Variants in CIT observed in about 807,000 individuals in gnomAD.
CIT encodes the protein citron Rho-interacting kinase.
CIT carries 79 observed loss-of-function variants against 272.7 expected under a neutral mutation model. The observed-to-expected ratio is 0.29, with a 90% confidence interval of 0.24 to 0.35. CIT has a LOEUF of 0.35. Ranked by LOEUF, CIT falls within the 10% of genes least tolerant of loss-of-function variation. The pLI is 1.00. For missense variants in CIT, 1,909 were observed against 2,618.3 expected, an observed-to-expected ratio of 0.73 and a Z score of 5.91; for synonymous variants, 948 against 995.6, an observed-to-expected ratio of 0.95 and a Z score of 0.90.
intron 46 of CIT, among the ~76,000 whole-genome samples, chr12:119,691,267 A>C (rs2136917903): frequency 6.6e-6 from 1 of 152,240 alleles, no homozygotes; most frequent in Admixed American, 6.5e-5. Flanking sequence ...AAGGCACAGA[A>C]GGAAGTCATC....
intron 19 of CIT, among the ~76,000 whole-genome samples, chr12:119,765,001 G>A (rs1018553243): frequency 4.0e-5 from 6 of 151,804 alleles, no homozygotes; most frequent in African/African-American, 1.4e-4. Context: ...TAGAGGCGGG[G>A]TTTCACCATG....
At chr12:119,738,898 A>C (rs2137291179) in intron 24 of CIT, among the ~76,000 whole-genome samples, 1 of 152,162 alleles carries the variant, frequency 6.6e-6, no homozygotes, top group South Asian at 2.1e-4. Flanking sequence ...AAAAAAAAAA[A>C]AAAAGATCTA....
In CIT at chr12:119,849,363, A is replaced by C. The variant is rs549250601; in HGVS notation, c.516+811T>G. 4.5e-3 allele frequency among the ~76,000 whole-genome samples: 677 copies of C among 150,814 alleles called. 8 individuals are homozygous for C. Among genetic ancestry groups the C allele is most frequent in the African/African-American group, 0.016 (648 of 41,142 alleles). On this transcript the variant is annotated intron_variant, in intron 5 of 47. Coordinates refer to ENST00000392521, the MANE Select transcript of CIT (RefSeq NM_001206999.2). ...AATCTCTTGAACCTGGGAGGTGGAGATTGCAGTGAGCCGAGATAGTGCCAC... is the reference window on the plus strand; with the variant it reads ...AATCTCTTGAACCTGGGAGGTGGAGCTTGCAGTGAGCCGAGATAGTGCCAC...
At chr12:119,824,142 A>G (rs12832322) in intron 8 of CIT, among the ~76,000 whole-genome samples, 50 of 142,656 alleles carry the variant, frequency 3.5e-4, no homozygotes, top group Middle Eastern at 7.2e-3. Flanking sequence ...ATATATATAT[A>G]CAGTAAAACA....
chr12:119,825,540 TAAAA>T (rs11286691), intron 7 of CIT, among the ~76,000 whole-genome samples, 172 bp from the exon 8 acceptor site: 1 of 144,368 alleles, frequency 6.9e-6, no homozygotes, highest in Non-Finnish European at 1.5e-5. Flanking sequence ...TTTACTAATT[TAAAA>T]AAAAAAAAAA....
chr12:119,787,603 C>T (rs1363437168), intron 10 of CIT, among the ~76,000 whole-genome samples: 1 of 151,138 alleles, frequency 6.6e-6, no homozygotes, highest in East Asian at 1.9e-4. Flanking sequence ...TGGTGGTGGG[C>T]GCCTGTAGTC....
intron 23 of CIT, among the ~76,000 whole-genome samples, chr12:119,748,569 C>T (rs185867978): frequency 3.3e-5 from 5 of 152,324 alleles, no homozygotes; most frequent in African/African-American, 1.2e-4. Flanking sequence ...CACATCTTGG[C>T]TATCATGCCG....
chr12:119,757,147 G>A (rs774023896), intron 22 of CIT, among the ~76,000 whole-genome samples: 1 of 150,994 alleles, frequency 6.6e-6, no homozygotes, highest in Non-Finnish European at 1.5e-5. Context: ...GTTAGCACAA[G>A]GGCCTCAGAT....
Position 119,688,140 on chromosome 12 carries a change from G to A in CIT, c.*92C>T, listed in dbSNP as rs774170239. 5.8e-5 allele frequency: 82 copies of A among 1,403,206 alleles called. No homozygotes were observed. The highest frequency in any genetic ancestry group is 2.7e-4 in the Admixed American group (16 of 59,580). The allele number at this position is 1,403,206 out of a possible 1,614,324, so 86.9% of individuals were successfully genotyped here. A position where few individuals can be genotyped will look rare whatever the true frequency, so the allele number is the denominator to read the frequency against. On this transcript the variant is annotated 3_prime_UTR_variant, in exon 48 of 48. Coordinates refer to ENST00000392521, the MANE Select transcript of CIT (RefSeq NM_001206999.2). Reference sequence around the variant, plus strand: ...GCTGAGCCAGAGGGTGGCTGAGCACGTGGGCGCTTGGGTCCCCATCAGCAG... The same window carrying A: ...GCTGAGCCAGAGGGTGGCTGAGCACATGGGCGCTTGGGTCCCCATCAGCAG...
chr12:119,781,910 G>A (rs1022330842), intron 13 of CIT, among the ~76,000 whole-genome samples: 3 of 152,180 alleles, frequency 2.0e-5, no homozygotes, highest in Non-Finnish European at 4.4e-5. Flanking sequence ...ACCATCTAAA[G>A]CAGGGATTGG....
chr12:119,752,323 C>T, intron 22 of CIT, 76 bp from the exon 23 acceptor site: 1 of 1,352,930 alleles, frequency 7.4e-7, no homozygotes, highest in Non-Finnish European at 1.0e-6. Flanking sequence ...AAGACATGAC[C>T]TGCTACTCAA....
At chr12:119,814,812 G>A (rs930658294) in intron 9 of CIT, among the ~76,000 whole-genome samples, 9 of 152,026 alleles carry the variant, frequency 5.9e-5, no homozygotes, top group African/African-American at 1.5e-4. Context: ...CGAGGCGGGC[G>A]GATTACCTGA....
intron 9 of CIT, among the ~76,000 whole-genome samples, chr12:119,814,113 G>C (rs1262041329): frequency 6.6e-6 from 1 of 151,920 alleles, no homozygotes; most frequent in African/African-American, 2.4e-5. Context: ...TTTATTCATT[G>C]TTATATTTTT....
intron 9 of CIT, among the ~76,000 whole-genome samples, chr12:119,820,611 G>A (rs58867337): frequency 0.024 from 3,646 of 152,062 alleles, 134 homozygotes; most frequent in African/African-American, 0.084. Flanking sequence ...AAGGGTATGT[G>A]GGAACTCTTC....
chr12:119,712,234 A>T lies in CIT; in HGVS notation c.4798T>A (p.Leu1600Ile). The T allele has an allele frequency of 6.2e-7, 1 of 1,613,290 alleles. No individual in the cohort carries two copies. Among genetic ancestry groups the T allele is most frequent in the Non-Finnish European group, 8.5e-7 (1 of 1,179,614 alleles). The change falls in exon 37 of 48, where the codon TTA (leucine) becomes ATA (isoleucine). Residue 1600 changes from leucine (L) to isoleucine (I), a missense_variant. By Grantham distance (5) the Leu-to-Ile change is conservative. Around this residue, in one of 8 missense-constraint regions of CIT, gnomAD observed 780 missense variants for 1,067.2 expected, o/e 0.73. Coordinates refer to ENST00000392521, the MANE Select transcript of CIT (RefSeq NM_001206999.2). The surrounding 1 kb of genome is among the most constrained non-coding windows in gnomAD (Gnocchi z 5.2). ...FPDKQRWVTA[L>I]ESVVAGGRVS... is the part of the protein sequence containing the mutation. ...CTCCCACCTGCGACAACTGATTCTAAGGCGGTGACCCAGCGCTGTTTGTCA... is the reference window on the plus strand; with the variant it reads ...CTCCCACCTGCGACAACTGATTCTATGGCGGTGACCCAGCGCTGTTTGTCA...
At chr12:119,704,300 T>G (rs1037319430) in intron 41 of CIT, 63 bp downstream of exon 41, 1 of 1,488,380 alleles carries the variant, frequency 6.7e-7, no homozygotes, top group African/African-American at 1.4e-5. Flanking sequence ...CTTTCCACAC[T>G]GGCTCGCTGA....
chr12:119,736,851 C>T (rs1958793793), intron 24 of CIT, among the ~76,000 whole-genome samples: 1 of 152,104 alleles, frequency 6.6e-6, no homozygotes, highest in Non-Finnish European at 1.5e-5. Flanking sequence ...TTCATAATGT[C>T]TCCATTTAAC....
In CIT at chr12:119,687,998, G is replaced by A. The variant is rs1955669768; in HGVS notation, c.*234C>T. On this transcript the variant is annotated 3_prime_UTR_variant, in exon 48 of 48. Coordinates refer to ENST00000392521, the MANE Select transcript of CIT (RefSeq NM_001206999.2). ...CTTTGAAAGAGTAACAAAGTGCAAAGAGATGACTGCAGGGAGGTGCCCAGG... is the reference window on the plus strand; with the variant it reads ...CTTTGAAAGAGTAACAAAGTGCAAAAAGATGACTGCAGGGAGGTGCCCAGG... 1.7e-6 allele frequency: 1 copy of A among 581,738 alleles called. No individual in the cohort carries two copies. The highest frequency in any genetic ancestry group is 1.9e-5 in the African/African-American group (1 of 53,280). The allele number at this position is 581,738 out of a possible 1,614,324, so 36.0% of individuals were successfully genotyped here.
intron 24 of CIT, among the ~76,000 whole-genome samples, chr12:119,741,813 C>T (rs1436891427): frequency 6.6e-6 from 1 of 152,158 alleles, no homozygotes; most frequent in Non-Finnish European, 1.5e-5. Flanking sequence ...TTCCCACTGA[C>T]CCTACTCTAT....
Sources: gnomAD v4.1 joint callset for allele counts (sites outside exome capture counted in the v4.1 genomes callset) on GRCh38, gnomAD v4.1.1 for gene constraint, gnomAD v4.1.1 regional missense constraint, Gnocchi (gnomAD v3.1) non-coding constraint, MANE v1.5 for transcripts, NCBI Gene and HGNC (gene_info 2026-07-23, HGNC 2026-07-21) for gene names.